The following PCM1 variants were observed in gnomAD, a reference collection of about 807,000 sequenced individuals.
PCM1 encodes pericentriolar material 1 protein.
Under a neutral mutation model 241.9 loss-of-function variants are expected in PCM1, and 157 were observed. That is an observed-to-expected ratio of 0.65 (90% CI 0.57 to 0.74). The LOEUF is 0.74. Ranked by LOEUF, PCM1 falls within the 30% of genes least tolerant of loss-of-function variation. The probability of loss-of-function intolerance (pLI) is 0.00; values close to 1 mark genes in which losing one functional copy is unlikely to be tolerated. For missense variants in PCM1, 3,478 were observed against 2,360.1 expected (o/e 1.47, Z -9.81); for synonymous variants, 1,085 against 784.9 (o/e 1.38, Z -6.39).
At chr8:17,953,576 T>C (rs968059868) in intron 9 of PCM1, among the ~76,000 whole-genome samples, 1 of 152,156 alleles carries the variant, frequency 6.6e-6, no homozygotes, top group African/African-American at 2.4e-5. Context: ...CTGTGAAACA[T>C]AGTGTGTATT....
At chr8:17,992,726 C>T (rs2085193084) in intron 28 of PCM1, among the ~76,000 whole-genome samples, 1 of 151,312 alleles carries the variant, frequency 6.6e-6, no homozygotes, top group Admixed American at 6.6e-5. Flanking sequence ...AAGTGATTCT[C>T]ATGCCTCAGC....
At chr8:17,946,832 AGT>A (rs368892136) in intron 6 of PCM1, among the ~76,000 whole-genome samples, 14,723 of 138,096 alleles carry the variant, frequency 0.11, 880 homozygotes, top group African/African-American at 0.18. Context: ...TAGATTCTTC[AGT>A]GTGTGTGTGT....
chr8:17,985,679 T>G, intron 25 of PCM1, 60 bp downstream of exon 25: 1 of 1,303,092 alleles, frequency 7.7e-7, no homozygotes, highest in Non-Finnish European at 1.1e-6. Context: ...TGATTATCTC[T>G]GGTTGCTGTC....
chr8:17,987,967 T>C (rs542214460), intron 26 of PCM1, among the ~76,000 whole-genome samples: 1 of 151,810 alleles, frequency 6.6e-6, no homozygotes, highest in African/African-American at 2.4e-5. Flanking sequence ...AGCTTCATTT[T>C]TGGAGCTTTT....
chr8:17,947,126 T>C (rs2064129473), intron 6 of PCM1, 60 bp from the exon 7 acceptor site: 2 of 1,096,714 alleles, frequency 1.8e-6, no homozygotes, highest in Non-Finnish European at 2.6e-6. Context: ...CCATTGATAA[T>C]TGAAACCGCA....
At chr8:17,975,751 A>G (rs1017218247) in intron 23 of PCM1, among the ~76,000 whole-genome samples, 12 of 152,200 alleles carry the variant, frequency 7.9e-5, no homozygotes, top group Admixed American at 5.9e-4. Context: ...GATAAATCTC[A>G]TATAACTTTG....
At chr8:17,965,857 C>G (rs558201657) in intron 18 of PCM1, 142 bp from the exon 19 acceptor site, 6 of 580,864 alleles carry the variant, frequency 1.0e-5, no homozygotes, top group Admixed American at 1.0e-4. Context: ...CTTCTCCCCC[C>G]TCTATATTTT....
intron 30 of PCM1, 132 bp downstream of exon 30, chr8:18,006,529 A>G: frequency 3.3e-6 from 2 of 613,658 alleles, no homozygotes; most frequent in East Asian, 5.2e-5. Context: ...TCCATTTGGG[A>G]TGATGTTGTA....
intron 29 of PCM1, among the ~76,000 whole-genome samples, chr8:17,994,053 C>G (rs1177820162): frequency 1.3e-5 from 2 of 152,134 alleles, no homozygotes; most frequent in African/African-American, 2.4e-5. Flanking sequence ...TCCAGTTATA[C>G]TCTTTTAGTT....
At chr8:17,940,545 A>G (rs534513773) in intron 6 of PCM1, among the ~76,000 whole-genome samples, 2 of 152,278 alleles carry the variant, frequency 1.3e-5, no homozygotes, top group South Asian at 2.1e-4. Flanking sequence ...GAAATAACCA[A>G]GTTCATTTGT....
rs769630116 is a variant in PCM1, at chr8:17,964,653, C to G, written c.2740C>G (p.Arg914Gly). 135 of 1,613,634 alleles carry G rather than the reference C, an allele frequency of 8.4e-5. No individual in the cohort carries two copies. Among genetic ancestry groups the G allele is most frequent in the Middle Eastern group, 1.6e-4 (1 of 6,084 alleles). Reference sequence around the variant, plus strand: ...CGGTTACCTTTCTGAAGGAATTGTTCGGACAGATGAAGAGGAGGAAGAAGA... The same window carrying G: ...CGGTTACCTTTCTGAAGGAATTGTTGGGACAGATGAAGAGGAGGAAGAAGA... The part of the protein sequence containing the change: ...EDGYLSEGIV[R>G]TDEEEEEEQD... The change falls in exon 18 of 39, where the codon CGG becomes GGG. Residue 914 changes from arginine to glycine, a missense_variant. Arg to Gly is a moderately radical substitution (Grantham distance 125, BLOSUM62 -2). Transcript: ENST00000325083.
At position 17,937,287 on chromosome 8, in the gene PCM1, C is replaced by G; in HGVS notation, c.250C>G (p.Pro84Ala). The change falls in exon 4 of 39, where the codon CCA (proline) becomes GCA (alanine). Residue 84 changes from proline to alanine, a missense_variant. Pro to Ala is a conservative substitution (Grantham distance 27). Coordinates refer to ENST00000325083, the MANE Select transcript of PCM1 (RefSeq NM_006197.4). The stretch of plus-strand genomic sequence containing the variant: ...AAGAACAAAGACTCCACATACGTTC[C>G]CACACAGTAGATACATGAGTCAGAT... The part of the protein sequence containing the change: ...RRRTKTPHTF[P>A]HSRYMSQMSV... The G allele has an allele frequency of 6.2e-7, 1 of 1,610,050 alleles. No individual in the cohort carries two copies. The highest frequency in any genetic ancestry group is 8.5e-7 in the Non-Finnish European group (1 of 1,177,200).
chr8:17,963,655 G>A (rs1446755910), intron 17 of PCM1, among the ~76,000 whole-genome samples: 2 of 152,084 alleles, frequency 1.3e-5, no homozygotes, highest in African/African-American at 4.8e-5. Context: ...TTGAGTATCT[G>A]CTGTTTGTAA....
rs534347249 is a variant in PCM1, at chr8:17,940,290, A to G, written c.783+429A>G. The G allele has an allele frequency of 5.3e-6, 3 of 565,696 alleles. No individual in the cohort carries two copies. In the South Asian group the frequency reaches 7.3e-5, roughly 14 times the overall value. 35.0% of individuals were successfully genotyped at this position (565,696 alleles called of 1,614,324 possible). On this transcript the variant is annotated intron_variant, in intron 6 of 38. Transcript: ENST00000325083. ...CAGGGAAGAACCCCTCAAATTGTTAATGCTGTATGTGTTCTTCTGTATTTA... is the reference window on the plus strand; with the variant it reads ...CAGGGAAGAACCCCTCAAATTGTTAGTGCTGTATGTGTTCTTCTGTATTTA...
intron 29 of PCM1, among the ~76,000 whole-genome samples, chr8:18,000,024 A>G (rs777573344): frequency 2.0e-5 from 3 of 152,222 alleles, no homozygotes; most frequent in Non-Finnish European, 4.4e-5. Context: ...TTATCAGTTA[A>G]TGATACAGGC....
intron 38 of PCM1, among the ~76,000 whole-genome samples, 171 bp from the exon 39 acceptor site, chr8:18,027,466 C>T (rs1373431631): frequency 6.6e-6 from 1 of 152,188 alleles, no homozygotes; most frequent in Non-Finnish European, 1.5e-5. Flanking sequence ...AGAAACGCCT[C>T]ACCTATTCTT....
Position 17,955,611 on chromosome 8 carries a change from A to G in PCM1, c.1430A>G (p.Glu477Gly), listed in dbSNP as rs750247513. 3 of 1,613,828 alleles carry G rather than the reference A, an allele frequency of 1.9e-6. No individual in the cohort carries two copies. Among genetic ancestry groups the G allele is most frequent in the South Asian group, 2.2e-5 (2 of 91,074 alleles). The change falls in exon 10 of 39, where the codon GAG (glutamate) becomes GGG (glycine). Residue 477 changes from glutamate to glycine, a missense_variant. By Grantham distance (98) the Glu-to-Gly change is moderately conservative (BLOSUM62 -2). Transcript: ENST00000325083. ...ACTGCTTCTCTAGTATCTCAGAATG[A>G]GAGTGAAAACGAAGGCCACCTCAAT... Reference protein sequence around the residue: ...YPTASLVSQNESENEGHLNPS... With the variant: ...YPTASLVSQNGSENEGHLNPS...
chr8:17,924,907 G>C (rs1479897593), intron 2 of PCM1, 127 bp downstream of exon 2: 1 of 152,140 alleles, frequency 6.6e-6, no homozygotes, highest in Non-Finnish European at 1.5e-5. Context: ...AAACTTTCTG[G>C]GTTCACCGCC....
At chr8:17,976,052 C>G (rs1384433916) in intron 23 of PCM1, among the ~76,000 whole-genome samples, 3 of 152,168 alleles carry the variant, frequency 2.0e-5, no homozygotes, top group African/African-American at 7.2e-5. Context: ...CTTCTGGGTT[C>G]TTACTGTCCT....
Sources: allele counts gnomAD v4.1 joint callset (sites outside exome capture counted in the v4.1 genomes callset), GRCh38; gene constraint gnomAD v4.1.1; transcripts MANE v1.5; gene names NCBI Gene and HGNC (gene_info 2026-07-23, HGNC 2026-07-21).